The following TMEM272 variants were observed in gnomAD, a reference collection of about 807,000 sequenced individuals.
TMEM272 encodes long intergenic non-protein coding RNA 282.
Under a neutral mutation model 3.7 loss-of-function variants are expected in TMEM272, and 8 were observed. The observed-to-expected ratio is 2.17, with a 90% CI of 1.27 to 3.91. The LOEUF is 3.91. TMEM272 is among the 30% of genes most tolerant of loss of function. TMEM272 has a pLI of 0.00. For missense variants in TMEM272, 166 were observed against 91.5 expected, an observed-to-expected ratio of 1.81 and a Z score of -3.32; for synonymous variants, 63 against 39.8, an observed-to-expected ratio of 1.58 and a Z score of -2.20.
At chr13:51,819,324 C>T (rs1181272178) in intron 4 of TMEM272, among the ~76,000 whole-genome samples, 1 of 152,168 alleles carries the variant, frequency 6.6e-6, no homozygotes, top group Non-Finnish European at 1.5e-5. Flanking sequence ...AACACCAGCT[C>T]GCTGTTTCCT....
At chr13:51,892,121 C>T in the TMEM272 span, among the ~76,000 whole-genome samples, 2 of 152,164 alleles carry the variant, frequency 1.3e-5, no homozygotes, top group South Asian at 4.1e-4. Context: ...TCTCCTTTCC[C>T]TGCCTCATCT....
intron 2 of TMEM272, among the ~76,000 whole-genome samples, chr13:51,833,011 C>T (rs948818417): frequency 1.3e-5 from 2 of 152,104 alleles, no homozygotes; most frequent in African/African-American, 4.8e-5. Flanking sequence ...AGGAAAGAGT[C>T]CCCAGGAAAT....
the TMEM272 span, among the ~76,000 whole-genome samples, chr13:51,912,887 G>A: frequency 7.2e-5 from 11 of 152,186 alleles, no homozygotes; most frequent in South Asian, 2.1e-4. Context: ...AAAGTTAGAC[G>A]GATGGAAATG....
the TMEM272 span, among the ~76,000 whole-genome samples, chr13:51,872,489 A>G: frequency 6.6e-6 from 1 of 152,190 alleles, no homozygotes. Context: ...ATAGGGGAAG[A>G]CATGCTCAAA....
At chr13:51,865,841 G>T in the TMEM272 span, 1 of 1,613,930 alleles carries the variant, frequency 6.2e-7, no homozygotes, top group Non-Finnish European at 8.5e-7. Flanking sequence ...GGAGGACAAG[G>T]CCCTGTGGGA....
chr13:51,908,513 C>T, the TMEM272 span: 364 of 1,440,330 alleles, frequency 2.5e-4, 2 homozygotes, highest in South Asian at 3.9e-3. Flanking sequence ...CCCTCGTATC[C>T]ACTGGAAACA....
intron 3 of TMEM272, among the ~76,000 whole-genome samples, chr13:51,825,243 A>G (rs1956114111): frequency 6.6e-6 from 1 of 152,210 alleles, no homozygotes; most frequent in Non-Finnish European, 1.5e-5. Flanking sequence ...TGCAAACCTT[A>G]AAATCTTATC....
the TMEM272 span, among the ~76,000 whole-genome samples, chr13:51,931,030 G>A: frequency 6.6e-6 from 1 of 151,996 alleles, no homozygotes; most frequent in Non-Finnish European, 1.5e-5. Context: ...CTTCACTAAG[G>A]TCTTAAAAGA....
chr13:51,918,544 A>G, the TMEM272 span, among the ~76,000 whole-genome samples: 2 of 152,220 alleles, frequency 1.3e-5, no homozygotes, highest in Admixed American at 6.5e-5. Context: ...CAGGGTGGGT[A>G]TATGGGGATT....
At chr13:51,842,196 T>G (rs545665260) in intron 1 of TMEM272, among the ~76,000 whole-genome samples, 1 of 152,104 alleles carries the variant, frequency 6.6e-6, no homozygotes, top group Non-Finnish European at 1.5e-5. Flanking sequence ...GGGGCTGGGG[T>G]AGGGGTAGGG....
At chr13:51,916,412 T>C in the TMEM272 span, among the ~76,000 whole-genome samples, 4 of 152,330 alleles carry the variant, frequency 2.6e-5, no homozygotes, top group Middle Eastern at 3.4e-3. Context: ...GGAGAATAGA[T>C]ATGTAAAGGG....
the TMEM272 span, among the ~76,000 whole-genome samples, chr13:51,852,045 G>A: frequency 3.3e-5 from 5 of 152,330 alleles, no homozygotes; most frequent in African/African-American, 7.2e-5. Flanking sequence ...GCAAATTCAC[G>A]TGTAATTTTC....
the TMEM272 span, among the ~76,000 whole-genome samples, chr13:51,931,911 G>C: frequency 5.3e-5 from 8 of 152,078 alleles, no homozygotes. Flanking sequence ...GGATATGGGG[G>C]AGAACCTTGA....
chr13:51,924,251 A>C, the TMEM272 span, among the ~76,000 whole-genome samples: 9 of 152,146 alleles, frequency 5.9e-5, no homozygotes, highest in East Asian at 1.9e-4. Flanking sequence ...ACAAAACAAC[A>C]ACCAAAAAAA....
chr13:51,855,896 G>T, the TMEM272 span, among the ~76,000 whole-genome samples: 1 of 152,152 alleles, frequency 6.6e-6, no homozygotes, highest in African/African-American at 2.4e-5. Flanking sequence ...AGTGATGAAG[G>T]TTAGTAAGAT....
At chr13:51,909,017 C>T in the TMEM272 span, 195 of 1,467,240 alleles carry the variant, frequency 1.3e-4, no homozygotes, top group East Asian at 1.5e-3. Flanking sequence ...CCAACAAAGT[C>T]GGAAGATAGA....
At chr13:51,851,386 G>A in the TMEM272 span, among the ~76,000 whole-genome samples, 1 of 150,840 alleles carries the variant, frequency 6.6e-6, no homozygotes, top group Admixed American at 6.6e-5. Flanking sequence ...GGAAGAGGAG[G>A]AGGAGGAGGA....
chr13:51,915,875 A>T, the TMEM272 span, among the ~76,000 whole-genome samples: 1 of 152,108 alleles, frequency 6.6e-6, no homozygotes, highest in South Asian at 2.1e-4. Flanking sequence ...GAGATGGAGA[A>T]CTTCCTGGCC....
the TMEM272 span, among the ~76,000 whole-genome samples, chr13:51,856,197 T>C: frequency 6.6e-6 from 1 of 152,086 alleles, no homozygotes; most frequent in African/African-American, 2.4e-5. Flanking sequence ...GAGTTATAAA[T>C]CATGGATTCA....
Sources: allele counts gnomAD v4.1 joint callset (sites outside exome capture counted in the v4.1 genomes callset), GRCh38; gene constraint gnomAD v4.1.1; transcripts MANE v1.5; gene names NCBI Gene and HGNC (gene_info 2026-07-23, HGNC 2026-07-21).